Variants in SLCO3A1 observed in about 807,000 individuals in gnomAD.
SLCO3A1 encodes the protein solute carrier organic anion transporter family member 3A1, also known as PGE1 transporter.
A neutral mutation model predicts 63.1 loss-of-function variants in SLCO3A1; 27 were observed. The observed-to-expected ratio is 0.43, with a 90% CI of 0.32 to 0.59. The LOEUF (loss-of-function observed/expected upper bound fraction) is 0.59. Among genes scored for constraint, SLCO3A1 ranks in the 20% least tolerant of loss-of-function variants. The pLI is 0.09. For missense variants in SLCO3A1, 773 were observed against 945.8 expected, an observed-to-expected ratio of 0.82 and a Z score of 2.40; for synonymous variants, 473 against 409.9, an observed-to-expected ratio of 1.15 and a Z score of -1.86.
intron 7 of SLCO3A1, among the ~76,000 whole-genome samples, chr15:92,132,523 C>T (rs1427213990): frequency 6.9e-6 from 1 of 143,924 alleles, no homozygotes; most frequent in Non-Finnish European, 1.5e-5. Context: ...CTGTACCTTT[C>T]ACTTTCAGAA....
chr15:92,064,674 C>T (rs1567098933), intron 2 of SLCO3A1, among the ~76,000 whole-genome samples: 1 of 152,164 alleles, frequency 6.6e-6, no homozygotes, highest in Non-Finnish European at 1.5e-5. Flanking sequence ...TACATAGACA[C>T]AATGGAATAT....
intron 2 of SLCO3A1, among the ~76,000 whole-genome samples, chr15:91,966,968 A>G (rs1446143603): frequency 6.6e-6 from 1 of 152,156 alleles, no homozygotes; most frequent in Non-Finnish European, 1.5e-5. Context: ...GGAGAAGACA[A>G]AAGCGTGGTG....
Position 91,954,505 on chromosome 15 carries a change from T to G in SLCO3A1, c.646+38047T>G, listed in dbSNP as rs753167016. 2.0e-5 allele frequency among the ~76,000 whole-genome samples: 3 copies of G among 152,148 alleles called. No individual in the cohort carries two copies. The highest frequency in any genetic ancestry group is 4.4e-5 in the Non-Finnish European group (3 of 68,032). The stretch of plus-strand genomic sequence containing the variant: ...ATTTACCTCACCACTGGGAGAGGGC[T>G]GTGTGGGAGAGTGATGAACAGCCTA... On this transcript the variant is annotated intron_variant, in intron 2 of 9. Coordinates refer to ENST00000318445, the MANE Select transcript of SLCO3A1 (RefSeq NM_013272.4). This position sits in a 1 kb window ranked among gnomAD's most constrained non-coding sequence, Gnocchi z 4.7.
At position 91,916,280 on chromosome 15, in the gene SLCO3A1, C is replaced by G. The variant is rs764133973; in HGVS notation, c.468C>G (p.Gly156=). The part of the protein sequence containing the change: ...GRDVCAANGS[G]GDEGPDPDLI... Reference sequence around the variant, plus strand: ...ACGTCTGCGCAGCCAACGGCTCGGGCGGCGACGAGGGGCCCGACCCCGACC... The same window carrying G: ...ACGTCTGCGCAGCCAACGGCTCGGGGGGCGACGAGGGGCCCGACCCCGACC... The change falls in exon 2 of 10, where the codon GGC becomes GGG. Residue 156 remains glycine (G), a synonymous_variant. Transcript: ENST00000318445. The surrounding 1 kb of genome is among the most constrained non-coding windows in gnomAD (Gnocchi z 6.2). The G allele has an allele frequency of 8.4e-6, 13 of 1,551,380 alleles. No individual in the cohort carries two copies. The highest frequency in any genetic ancestry group is 1.4e-5 in the African/African-American group (1 of 73,256).
chr15:92,152,608 G>T (rs553740350), intron 9 of SLCO3A1, among the ~76,000 whole-genome samples: 6 of 152,310 alleles, frequency 3.9e-5, no homozygotes, highest in African/African-American at 1.4e-4. Context: ...CTATCAGTGG[G>T]AGGGTGCAGT....
At chr15:92,004,893 G>T (rs946525600) in intron 2 of SLCO3A1, among the ~76,000 whole-genome samples, 1 of 152,176 alleles carries the variant, frequency 6.6e-6, no homozygotes, top group Non-Finnish European at 1.5e-5. Flanking sequence ...GAGAGCAGAA[G>T]AACACTCCAA....
chr15:91,920,834 T>C (rs1898818905), intron 2 of SLCO3A1, among the ~76,000 whole-genome samples: 1 of 152,206 alleles, frequency 6.6e-6, no homozygotes, highest in Non-Finnish European at 1.5e-5. Flanking sequence ...CCCAAATAGT[T>C]GAGCACTAAC....
intron 2 of SLCO3A1, among the ~76,000 whole-genome samples, chr15:91,976,028 CTTA>C (rs904617360): frequency 4.6e-5 from 7 of 152,118 alleles, no homozygotes; most frequent in African/African-American, 1.4e-4. Context: ...GTAGAGGTGC[CTTA>C]TTATTATTAT....
chr15:92,082,063 C>CT (rs1163230504), intron 2 of SLCO3A1, among the ~76,000 whole-genome samples: 6 of 152,210 alleles, frequency 3.9e-5, no homozygotes, highest in African/African-American at 1.4e-4. Context: ...TACACAGTGT[C>CT]TAACACCTAA....
intron 2 of SLCO3A1, among the ~76,000 whole-genome samples, chr15:92,009,007 G>C (rs894336894): frequency 6.6e-6 from 1 of 152,154 alleles, no homozygotes; most frequent in African/African-American, 2.4e-5. Flanking sequence ...TTTGTAGAGA[G>C]AATGAAAAAT....
chr15:91,961,787 T>C (rs1325477562), intron 2 of SLCO3A1, among the ~76,000 whole-genome samples: 5 of 152,272 alleles, frequency 3.3e-5, no homozygotes, highest in South Asian at 2.1e-4. Context: ...TATTTACTTA[T>C]TGTCATTCCT....
chr15:91,872,377 A>C lies in SLCO3A1; in HGVS notation c.180+18289A>C, dbSNP rs1252202104. On this transcript the variant is annotated intron_variant, in intron 1 of 9. Transcript: ENST00000318445. This position sits in a 1 kb window ranked among gnomAD's most constrained non-coding sequence, Gnocchi z 4.1. ...GAAACCCCTTCTCTACTAAAAATAC[A>C]AAAAAATAGCCGGGCATGGTGGCAG... Among the ~76,000 whole-genome samples the C allele has an allele frequency of 3.3e-5, 5 of 152,052 alleles. No homozygotes were observed. Among genetic ancestry groups the C allele is most frequent in the Non-Finnish European group, 4.4e-5 (3 of 67,996 alleles).
At chr15:92,090,908 T>C (rs2047465611) in intron 2 of SLCO3A1, among the ~76,000 whole-genome samples, 1 of 152,192 alleles carries the variant, frequency 6.6e-6, no homozygotes, top group African/African-American at 2.4e-5. Flanking sequence ...GATCTATTGT[T>C]ACCCCCACTT....
intron 2 of SLCO3A1, among the ~76,000 whole-genome samples, chr15:91,969,967 AT>A (rs1900799703): frequency 6.6e-6 from 1 of 152,188 alleles, no homozygotes; most frequent in South Asian, 2.1e-4. Flanking sequence ...GTGTGTCAAA[AT>A]CCTCCAGCAT....
At position 91,906,078 on chromosome 15, in the gene SLCO3A1, C is replaced by T. The variant is rs559768277; in HGVS notation, c.181-9915C>T. Among the ~76,000 whole-genome samples, 10 of 152,298 alleles carry T rather than the reference C, an allele frequency of 6.6e-5. No homozygotes were observed. The East Asian group carries it at 1.9e-3, about 29-fold the overall frequency. On this transcript the variant is annotated intron_variant, in intron 1 of 9. Coordinates refer to ENST00000318445, the MANE Select transcript of SLCO3A1 (RefSeq NM_013272.4). ...TTATCTTCTCTGGGCTCAGGTTCCT[C>T]ATCTGTAGAATGGGATAGTAATATT...
In SLCO3A1 at chr15:92,104,416, C is replaced by G. The variant is rs771208643; in HGVS notation, c.883C>G (p.Pro295Ala). The G allele has an allele frequency of 3.3e-5, 54 of 1,614,002 alleles. No individual in the cohort carries two copies. Among genetic ancestry groups the G allele is most frequent in the Non-Finnish European group, 4.4e-5 (52 of 1,180,018 alleles). Reference protein sequence around the residue: ...FPQSLPPHSEPAMESEQAMLS... With the variant: ...FPQSLPPHSEAAMESEQAMLS... ...ACAGTCCCTGCCCCCGCACTCAGAG[C>G]CCGCCATGGAAAGCGAGCAGGCCAT... The change falls in exon 4 of 10, where the codon CCC becomes GCC. Residue 295 changes from proline (P) to alanine (A), a missense_variant. This residue lies in a region of SLCO3A1 where 565 missense variants were observed against 749.8 expected (regional missense o/e 0.75). Coordinates refer to ENST00000318445, the MANE Select transcript of SLCO3A1 (RefSeq NM_013272.4).
chr15:91,940,266 T>C (rs8037251), intron 2 of SLCO3A1, among the ~76,000 whole-genome samples: 112,651 of 151,962 alleles, frequency 0.74, 42,207 homozygotes, highest in East Asian at 0.98. Context: ...GGGGTCCTGA[T>C]ACCTGCCCTT....
chr15:92,163,962 G>T lies in SLCO3A1; in HGVS notation c.*827G>T. The T allele has an allele frequency of 2.0e-6, 2 of 985,418 alleles. No homozygotes were observed. Among genetic ancestry groups the T allele is most frequent in the Non-Finnish European group, 2.4e-6 (2 of 829,938 alleles). The allele number at this position is 985,418 out of a possible 1,614,324, so 61.0% of individuals were successfully genotyped here. A position where few individuals can be genotyped will look rare whatever the true frequency, so the allele number is the denominator to read the frequency against. On this transcript the variant is annotated 3_prime_UTR_variant, in exon 10 of 10. Transcript: ENST00000318445. ...GGCCTCGCCTGGCTATGACTGACCC[G>T]GCTCAGAGCTGGTGAGACCCAACGC...
At chr15:92,142,934 C>T (rs190099480) in intron 7 of SLCO3A1, among the ~76,000 whole-genome samples, 26 of 152,138 alleles carry the variant, frequency 1.7e-4, no homozygotes, top group African/African-American at 4.6e-4. Context: ...ACACAGGCAG[C>T]AATTGCAGAT....
Sources: gnomAD v4.1 joint callset for allele counts (sites outside exome capture counted in the v4.1 genomes callset) on GRCh38, gnomAD v4.1.1 for gene constraint, gnomAD v4.1.1 regional missense constraint, Gnocchi (gnomAD v3.1) non-coding constraint, MANE v1.5 for transcripts, NCBI Gene and HGNC (gene_info 2026-07-23, HGNC 2026-07-21) for gene names.